NUMA1: variants seen among roughly 807,000 people sequenced by gnomAD.
The protein encoded by NUMA1 is SP-H antigen.
NUMA1 carries 62 observed loss-of-function variants against 237.1 expected under a neutral mutation model. The observed-to-expected ratio is 0.26, with a 90% confidence interval of 0.21 to 0.32. NUMA1 has a LOEUF of 0.32. NUMA1 is among the 10% of genes least tolerant of loss of function. NUMA1 has a pLI of 1.00. For synonymous variants in NUMA1, 1,028 were observed against 1,066.1 expected (o/e 0.96, Z 0.70); for missense variants, 2,533 against 2,666.5 (o/e 0.95, Z 1.10).
intron 1 of NUMA1, among the ~76,000 whole-genome samples, chr11:72,073,048 C>CATAAAAAAAAAAA (rs1943532697): frequency 2.6e-5 from 1 of 38,976 alleles, no homozygotes; most frequent in Admixed American, 4.6e-4. Flanking sequence ...GACTCCGTCT[C>CATAAAAAAAAAAA]AAAAAAAAAA....
At chr11:72,063,849 G>A (rs1320800987) in intron 2 of NUMA1, among the ~76,000 whole-genome samples, 1 of 150,236 alleles carries the variant, frequency 6.7e-6, no homozygotes, top group Non-Finnish European at 1.5e-5. Flanking sequence ...TCTGAGCCTG[G>A]GAGGCTGAAG....
At position 72,004,447 on chromosome 11, in the gene NUMA1, A is replaced by G. The variant is rs1955532372; in HGVS notation, c.6007-106T>C. ...AGTGGACCTTGTAAGTCAACGTGCA[A>G]CCTGCTCCCCTTCCCAACTCTGGGC... On this transcript the variant is annotated intron_variant, in intron 24 of 26. Coordinates refer to ENST00000393695, the MANE Select transcript of NUMA1 (RefSeq NM_006185.4). 4.2e-5 allele frequency: 52 copies of G among 1,240,764 alleles called. No individual in the cohort carries two copies. The South Asian group carries it at 6.1e-4, about 15-fold the overall frequency. 76.9% of individuals were successfully genotyped at this position (1,240,764 alleles called of 1,614,324 possible). A position where few individuals can be genotyped will look rare whatever the true frequency, so the allele number is the denominator to read the frequency against.
chr11:72,004,234 A>G lies in NUMA1; in HGVS notation c.6114T>C (p.Ser2038=), dbSNP rs1338928829. The change falls in exon 25 of 27, where the codon TCT becomes TCC. Residue 2038 remains serine, a synonymous_variant. Coordinates refer to ENST00000393695, the MANE Select transcript of NUMA1 (RefSeq NM_006185.4). The part of the protein sequence containing the change: ...TEAQKKAAPA[S]TKQADRRQSM... ...TCAGCCCCAGCCTCACCTGTTTAGTAGAAGCTGGAGCTGCTTTCTTCTGGG... is the reference window on the plus strand; with the variant it reads ...TCAGCCCCAGCCTCACCTGTTTAGTGGAAGCTGGAGCTGCTTTCTTCTGGG... 1 of 1,610,626 alleles carries G rather than the reference A, an allele frequency of 6.2e-7. No homozygotes were observed. Among genetic ancestry groups the G allele is most frequent in the African/African-American group, 1.3e-5 (1 of 74,600 alleles).
intron 16 of NUMA1, chr11:72,012,195 C>T: frequency 1.8e-6 from 1 of 557,412 alleles, no homozygotes; most frequent in Admixed American, 3.3e-5. Flanking sequence ...GTGGAGAGGC[C>T]GACCTGGGAT....
intron 1 of NUMA1, among the ~76,000 whole-genome samples, chr11:72,070,587 C>T (rs921612449): frequency 6.6e-6 from 1 of 152,184 alleles, no homozygotes; most frequent in Non-Finnish European, 1.5e-5. Flanking sequence ...GTGGGCAGAT[C>T]GCTTGAGCTC....
At chr11:72,025,422 AAAG>A (rs1939449339) in intron 4 of NUMA1, among the ~76,000 whole-genome samples, 1 of 151,914 alleles carries the variant, frequency 6.6e-6, no homozygotes, top group African/African-American at 2.4e-5. Context: ...CAAAAAAAAA[AAAG>A]AATACTAGTC....
rs1396647430 is a variant in NUMA1 at position 72,072,136 on chromosome 11, C to G, written c.-102-2225G>C. Reference sequence around the variant, plus strand: ...GAAATCTAGAAAAGCAGGCAATTACCTCACTCCTCATTGAGGCCATCACAG... The same window carrying G: ...GAAATCTAGAAAAGCAGGCAATTACGTCACTCCTCATTGAGGCCATCACAG... On this transcript the variant is annotated intron_variant, in intron 1 of 26. Coordinates refer to ENST00000393695, the MANE Select transcript of NUMA1 (RefSeq NM_006185.4). 5 of 152,550 alleles carry G rather than the reference C, an allele frequency of 3.3e-5. No homozygotes were observed. In the East Asian group the frequency reaches 9.7e-4, roughly 30 times the overall value. The allele number at this position is 152,550 out of a possible 1,614,324, so 9.4% of individuals were successfully genotyped here.
At chr11:72,012,859 T>C (rs753329140) in intron 15 of NUMA1, 36 bp downstream of exon 15, 2 of 1,600,042 alleles carry the variant, frequency 1.2e-6, no homozygotes, top group Non-Finnish European at 1.7e-6. Flanking sequence ...TCTCAGCTCC[T>C]GATCTTTGGG....
intron 2 of NUMA1, among the ~76,000 whole-genome samples, chr11:72,045,077 T>C (rs1269165995): frequency 6.6e-6 from 1 of 152,234 alleles, no homozygotes; most frequent in Non-Finnish European, 1.5e-5. Context: ...ACATCTAGAA[T>C]GGAAATTCCT....
chr11:72,031,224 C>G (rs1940262748), intron 3 of NUMA1, among the ~76,000 whole-genome samples: 1 of 151,698 alleles, frequency 6.6e-6, no homozygotes, highest in African/African-American at 2.4e-5. Flanking sequence ...TCATTTGAGC[C>G]CAGGAGCTGG....
intron 22 of NUMA1, 44 bp from the exon 23 acceptor site, chr11:72,005,413 CA>C: frequency 6.3e-7 from 1 of 1,587,548 alleles, no homozygotes; most frequent in Non-Finnish European, 8.6e-7. Flanking sequence ...CTGGAGTCGG[CA>C]GGTCACCTCC....
intron 1 of NUMA1, among the ~76,000 whole-genome samples, chr11:72,079,029 G>A (rs765885862): frequency 6.6e-6 from 1 of 152,238 alleles, no homozygotes; most frequent in Non-Finnish European, 1.5e-5. Context: ...TCAAGAGGGA[G>A]TGCCATTCCA....
chr11:72,048,672 C>T (rs1441774366), intron 2 of NUMA1, among the ~76,000 whole-genome samples: 5 of 152,104 alleles, frequency 3.3e-5, no homozygotes, highest in African/African-American at 9.7e-5. Flanking sequence ...CGTGCCAGGC[C>T]GAAAATCAGC....
chr11:72,033,545 GTA>G (rs1940622359), intron 3 of NUMA1, among the ~76,000 whole-genome samples: 1 of 151,778 alleles, frequency 6.6e-6, no homozygotes, highest in Non-Finnish European at 1.5e-5. Context: ...GCTAATTTTT[GTA>G]TTTTTTGAAG....
intron 7 of NUMA1, chr11:72,022,091 T>G: frequency 2.7e-6 from 1 of 373,370 alleles, no homozygotes; most frequent in Admixed American, 4.6e-5. Context: ...GTTAAACATA[T>G]GCACATAAAA....
intron 13 of NUMA1, 74 bp downstream of exon 13, chr11:72,017,613 G>A: frequency 6.4e-7 from 1 of 1,567,130 alleles, no homozygotes; most frequent in Non-Finnish European, 8.7e-7. Context: ...AGGCCCAGAA[G>A]AGCACAGTGG....
At chr11:72,056,655 A>AAAAAAAAAAAAAAAAAAAAC (rs1942668674) in intron 2 of NUMA1, among the ~76,000 whole-genome samples, 2 of 129,072 alleles carry the variant, frequency 1.5e-5, no homozygotes, top group Admixed American at 8.2e-5. Context: ...AAAAAAAAAA[A>AAAAAAAAAAAAAAAAAAAAC]AAAAAGGCAA....
chr11:72,046,525 C>T (rs182498177), intron 2 of NUMA1, among the ~76,000 whole-genome samples: 1 of 148,592 alleles, frequency 6.7e-6, no homozygotes, highest in Non-Finnish European at 1.5e-5. Flanking sequence ...CCCTGGGTAA[C>T]AAGGGTGAAA....
chr11:72,034,148 C>T (rs949095409), intron 3 of NUMA1, among the ~76,000 whole-genome samples: 8 of 152,046 alleles, frequency 5.3e-5, no homozygotes, highest in Non-Finnish European at 1.0e-4. Flanking sequence ...GTTGGCTCTC[C>T]AATTGGCCCT....
Sources: gnomAD v4.1 joint callset for allele counts (sites outside exome capture counted in the v4.1 genomes callset) on GRCh38, gnomAD v4.1.1 for gene constraint, MANE v1.5 for transcripts, NCBI Gene and HGNC (gene_info 2026-07-23, HGNC 2026-07-21) for gene names.